USP46: variants seen among roughly 807,000 people sequenced by gnomAD.
The protein encoded by USP46 is ubiquitin specific peptidase 46, also known as ubiquitin carboxyl-terminal hydrolase 46.
USP46 carries 12 observed loss-of-function variants against 44.4 expected under a neutral mutation model. That is an observed-to-expected ratio of 0.27 (90% CI 0.17 to 0.44). The LOEUF (loss-of-function observed/expected upper bound fraction) is 0.44. Among genes scored for constraint, USP46 ranks in the 20% least tolerant of loss-of-function variants. USP46 has a pLI of 1.00. For synonymous variants in USP46, 155 were observed against 161.5 expected, an observed-to-expected ratio of 0.96 and a Z score of 0.31; for missense variants, 248 against 444.8, an observed-to-expected ratio of 0.56 and a Z score of 3.98.
chr4:52,608,052 C>T (rs1716764366), intron 5 of USP46, among the ~76,000 whole-genome samples: 1 of 152,084 alleles, frequency 6.6e-6, no homozygotes, highest in Non-Finnish European at 1.5e-5. Flanking sequence ...CCTTGTTCTA[C>T]TTTTACCCTC....
rs1235720203 is a variant in USP46 at position 52,595,660 on chromosome 4, A to G, written c.*1980T>C. On this transcript the variant is annotated 3_prime_UTR_variant, in exon 9 of 9. Transcript: ENST00000441222. ...ATTACTTCTACAGCCTTCCAACTGA[A>G]ATATTTTTTCTAATAAATTAGCTTC... is the stretch of plus-strand genomic sequence containing the variant. 6.6e-6 allele frequency: 1 copy of G among 152,216 alleles called. No individual in the cohort carries two copies. The highest frequency in any genetic ancestry group is 1.5e-5 in the Non-Finnish European group (1 of 68,040). The allele number at this position is 152,216 out of a possible 1,614,324, so 9.4% of individuals were successfully genotyped here.
At chr4:52,630,412 C>T (rs188183180) in intron 2 of USP46, among the ~76,000 whole-genome samples, 18 of 152,200 alleles carry the variant, frequency 1.2e-4, no homozygotes, top group African/African-American at 4.1e-4. Flanking sequence ...CATACTTAAA[C>T]AAAGACTGGC....
chr4:52,630,743 A>C (rs1182017128), intron 2 of USP46, among the ~76,000 whole-genome samples: 1 of 151,812 alleles, frequency 6.6e-6, no homozygotes, highest in Non-Finnish European at 1.5e-5. Context: ...TCTCAAAAAA[A>C]AAAAAAAAAA....
chr4:52,629,040 A>AT (rs1388700452), intron 2 of USP46, among the ~76,000 whole-genome samples: 1 of 152,252 alleles, frequency 6.6e-6, no homozygotes, highest in African/African-American at 2.4e-5. Flanking sequence ...GCACAATAAA[A>AT]TTTAAAGAAA....
chr4:52,656,389 C>G, intron 1 of USP46: 1 of 1,540,998 alleles, frequency 6.5e-7, no homozygotes, highest in Non-Finnish European at 8.8e-7. Flanking sequence ...TTCCTCATAC[C>G]CAGCCTTCTC....
In USP46 at chr4:52,594,490, C is replaced by CATG. The variant is rs1288739261; in HGVS notation, c.*3147_*3149dup. The CATG allele has an allele frequency of 3.3e-5, 5 of 152,218 alleles. No individual in the cohort carries two copies. The highest frequency in any genetic ancestry group is 1.2e-4 in the African/African-American group (5 of 41,462). 9.4% of individuals were successfully genotyped at this position (152,218 alleles called of 1,614,324 possible). A position where few individuals can be genotyped will look rare whatever the true frequency, so the allele number is the denominator to read the frequency against. ...AATTTTCCCTGACCCATGCCACTTA[C>CATG]ATGAGTTCATTACAATAGTGCTGAT... On this transcript the variant is annotated 3_prime_UTR_variant, in exon 9 of 9. Coordinates refer to ENST00000441222, the MANE Select transcript of USP46 (RefSeq NM_022832.4).
chr4:52,591,927 G>A lies in USP46; in HGVS notation c.*5713C>T, dbSNP rs754902024. Reference sequence around the variant, plus strand: ...CTTTTAACATGAGAAGAGGCAAAACGTGAAGTTCATTGTTGCAACATAATC... The same window carrying A: ...CTTTTAACATGAGAAGAGGCAAAACATGAAGTTCATTGTTGCAACATAATC... On this transcript the variant is annotated 3_prime_UTR_variant, in exon 9 of 9. Coordinates refer to ENST00000441222, the MANE Select transcript of USP46 (RefSeq NM_022832.4). The A allele has an allele frequency of 6.6e-6, 1 of 152,190 alleles. No homozygotes were observed. The highest frequency in any genetic ancestry group is 2.1e-4 in the South Asian group (1 of 4,836). The allele number at this position is 152,190 out of a possible 1,614,324, so 9.4% of individuals were successfully genotyped here.
chr4:52,652,704 C>A (rs536275180), intron 1 of USP46, among the ~76,000 whole-genome samples: 69 of 151,806 alleles, frequency 4.5e-4, no homozygotes, highest in Non-Finnish European at 2.8e-4. Flanking sequence ...TGAATGCATA[C>A]AAATCTAGTA....
chr4:52,615,839 A>T (rs1046757307), intron 4 of USP46, among the ~76,000 whole-genome samples: 7 of 152,254 alleles, frequency 4.6e-5, no homozygotes, highest in African/African-American at 1.7e-4. Flanking sequence ...AAAAATCACT[A>T]ACTGGATAGG....
At chr4:52,644,035 G>T (rs1718447569) in intron 1 of USP46, among the ~76,000 whole-genome samples, 1 of 152,146 alleles carries the variant, frequency 6.6e-6, no homozygotes, top group Non-Finnish European at 1.5e-5. Context: ...TAACCACCGG[G>T]CACTTACCCA....
intron 4 of USP46, among the ~76,000 whole-genome samples, chr4:52,613,343 T>C (rs1464831073): frequency 1.3e-5 from 2 of 152,158 alleles, no homozygotes; most frequent in Admixed American, 6.6e-5. Context: ...ATTCAAGCTG[T>C]CACCCAAGAA....
At chr4:52,618,209 C>G (rs1187693578) in intron 4 of USP46, among the ~76,000 whole-genome samples, 1 of 151,970 alleles carries the variant, frequency 6.6e-6, no homozygotes, top group Admixed American at 6.6e-5. Flanking sequence ...CATAGTGAGG[C>G]CCAGACTCTA....
In USP46 at chr4:52,596,433, A is replaced by AGTGAGAT. The variant is rs1716244427; in HGVS notation, c.*1200_*1206dup. The AGTGAGAT allele has an allele frequency of 1.3e-5, 2 of 152,258 alleles. No homozygotes were observed. Among genetic ancestry groups the AGTGAGAT allele is most frequent in the South Asian group, 4.1e-4 (2 of 4,830 alleles). The allele number at this position is 152,258 out of a possible 1,614,324, so 9.4% of individuals were successfully genotyped here. On this transcript the variant is annotated 3_prime_UTR_variant, in exon 9 of 9. Coordinates refer to ENST00000441222, the MANE Select transcript of USP46 (RefSeq NM_022832.4). Reference sequence around the variant, plus strand: ...TAACAAAAGTGAAAAAAGTAACTATAGTGAGATGAGGTTCTTCCAAAAAAA... The same window carrying AGTGAGAT: ...TAACAAAAGTGAAAAAAGTAACTATAGTGAGATGTGAGATGAGGTTCTTCCAAAAAAA...
At chr4:52,647,924 T>A (rs1424151594) in intron 1 of USP46, among the ~76,000 whole-genome samples, 2 of 152,184 alleles carry the variant, frequency 1.3e-5, no homozygotes, top group Non-Finnish European at 2.9e-5. Context: ...ACTACAGTGT[T>A]TGGTGGACTC....
At chr4:52,627,910 A>G (rs1016053419) in intron 3 of USP46, 40 bp downstream of exon 3, 2 of 1,567,886 alleles carry the variant, frequency 1.3e-6, no homozygotes, top group Non-Finnish European at 1.7e-6. Context: ...AATTCTCCTT[A>G]TTTCAGAGGC....
At position 52,618,560 on chromosome 4, in the gene USP46, G is replaced by A. The variant is rs1394428772; in HGVS notation, c.561+7458C>T. ...TGTATTCCAGCCTGGGCAACAGAGA[G>A]AGACCCTAACTCTAAATAAATAAAT... On this transcript the variant is annotated intron_variant, in intron 4 of 8. Coordinates refer to ENST00000441222, the MANE Select transcript of USP46 (RefSeq NM_022832.4). Among the ~76,000 whole-genome samples, 3 of 152,130 alleles carry A rather than the reference G, an allele frequency of 2.0e-5. No individual in the cohort carries two copies. The East Asian group carries it at 5.8e-4, about 29-fold the overall frequency.
rs141993554 is a variant in USP46 at position 52,619,215 on chromosome 4, T to C, written c.561+6803A>G. Among the ~76,000 whole-genome samples the C allele has an allele frequency of 7.4e-4, 112 of 152,196 alleles. 1 individual carries two copies. The highest frequency in any genetic ancestry group is 2.4e-3 in the African/African-American group (100 of 41,522). ...CCTTAAAATAGTCTCTCCAAGTCTA[T>C]TGCAGAATGAAACTGTCTCCATAAA... On this transcript the variant is annotated intron_variant, in intron 4 of 8. Transcript: ENST00000441222.
At chr4:52,606,248 T>C (rs1716684852) in intron 5 of USP46, among the ~76,000 whole-genome samples, 1 of 151,938 alleles carries the variant, frequency 6.6e-6, no homozygotes, top group Non-Finnish European at 1.5e-5. Context: ...TGAATAAGGG[T>C]CAATGACTCC....
At chr4:52,606,980 C>T (rs1052869044) in intron 5 of USP46, among the ~76,000 whole-genome samples, 3 of 152,080 alleles carry the variant, frequency 2.0e-5, no homozygotes, top group Admixed American at 6.6e-5. Flanking sequence ...GAACGGGGAG[C>T]CAGAGGCAGG....
Sources: gnomAD v4.1 joint callset for allele counts (sites outside exome capture counted in the v4.1 genomes callset) on GRCh38, gnomAD v4.1.1 for gene constraint, MANE v1.5 for transcripts, NCBI Gene and HGNC (gene_info 2026-07-23, HGNC 2026-07-21) for gene names.